Variants in LRP1B observed in about 807,000 individuals in gnomAD.
LRP1B encodes low-density lipoprotein receptor-related protein 1B.
Under a neutral mutation model 556.6 loss-of-function variants are expected in LRP1B, and 217 were observed. The ratio of observed to expected loss-of-function variants is 0.39; its 90% CI spans 0.35 to 0.44. The LOEUF is 0.44. Among genes scored for constraint, LRP1B ranks in the 20% least tolerant of loss-of-function variants. LRP1B has a pLI of 1.00. For missense variants in LRP1B, 5,053 were observed against 5,620.8 expected (o/e 0.90, Z 3.23); for synonymous variants, 2,047 against 1,865.8 (o/e 1.10, Z -2.50).
intron 6 of LRP1B, among the ~76,000 whole-genome samples, chr2:141,224,400 C>T (rs1462834027): frequency 1.3e-5 from 2 of 152,156 alleles, no homozygotes; most frequent in South Asian, 4.1e-4. Flanking sequence ...TAAATTAGTT[C>T]AACCATTGTG....
intron 3 of LRP1B, among the ~76,000 whole-genome samples, chr2:141,423,611 C>T (rs1343805947): frequency 6.6e-6 from 1 of 151,886 alleles, no homozygotes; most frequent in Non-Finnish European, 1.5e-5. Flanking sequence ...AATGAAAGAC[C>T]AGGCTTTCAT....
intron 35 of LRP1B, among the ~76,000 whole-genome samples, chr2:140,742,723 C>T (rs2104870967): frequency 6.6e-6 from 1 of 152,118 alleles, no homozygotes; most frequent in Admixed American, 6.5e-5. Flanking sequence ...CAGGTGCGAG[C>T]TCTATGAATG....
At chr2:141,688,806 A>C (rs1171815910) in intron 2 of LRP1B, among the ~76,000 whole-genome samples, 1 of 151,882 alleles carries the variant, frequency 6.6e-6, no homozygotes, top group East Asian at 1.9e-4. Flanking sequence ...GGAAAGAAAC[A>C]GGGCTATCAA....
intron 11 of LRP1B, among the ~76,000 whole-genome samples, chr2:141,027,222 A>C (rs1698241241): frequency 6.6e-6 from 1 of 152,118 alleles, no homozygotes; most frequent in Non-Finnish European, 1.5e-5. Context: ...GAAAGTCTGC[A>C]AATTTTTTCA....
At chr2:141,863,937 GC>G (rs1698328669) in intron 1 of LRP1B, among the ~76,000 whole-genome samples, 1 of 151,964 alleles carries the variant, frequency 6.6e-6, no homozygotes, top group Non-Finnish European at 1.5e-5. Context: ...ACAATATATT[GC>G]CTATGTCTAA....
chr2:141,448,917 C>T (rs1681303051), intron 3 of LRP1B, among the ~76,000 whole-genome samples: 2 of 152,208 alleles, frequency 1.3e-5, no homozygotes, highest in Admixed American at 1.3e-4. Flanking sequence ...AGCATTTAGG[C>T]CTTTTAAGCT....
intron 2 of LRP1B, among the ~76,000 whole-genome samples, chr2:141,674,270 T>G (rs183487609): frequency 2.3e-4 from 35 of 152,192 alleles, no homozygotes; most frequent in Non-Finnish European, 3.1e-4. Flanking sequence ...TGATGTTTAT[T>G]GAATTTTTCT....
At chr2:141,102,994 A>G (rs889965402) in intron 7 of LRP1B, among the ~76,000 whole-genome samples, 3 of 152,118 alleles carry the variant, frequency 2.0e-5, no homozygotes, top group Non-Finnish European at 4.4e-5. Context: ...ATCCTATAAT[A>G]AAGCAAACCA....
intron 2 of LRP1B, among the ~76,000 whole-genome samples, chr2:141,607,145 C>T (rs1476705225): frequency 4.5e-5 from 4 of 89,460 alleles, no homozygotes; most frequent in Non-Finnish European, 9.8e-5. Flanking sequence ...TTTAACTACA[C>T]ATTACTTTGA....
intron 86 of LRP1B, among the ~76,000 whole-genome samples, chr2:140,267,929 A>T (rs1244631127): frequency 7.3e-6 from 1 of 136,644 alleles, no homozygotes; most frequent in African/African-American, 2.5e-5. Flanking sequence ...GATACTTGGT[A>T]AGAGCAAAAA....
intron 57 of LRP1B, among the ~76,000 whole-genome samples, chr2:140,488,423 C>A (rs1032838374): frequency 6.6e-6 from 1 of 151,980 alleles, no homozygotes; most frequent in Non-Finnish European, 1.5e-5. Context: ...TCCCTTCAGA[C>A]TCATGGTTAT....
At chr2:141,685,217 G>C (rs1691251907) in intron 2 of LRP1B, among the ~76,000 whole-genome samples, 1 of 151,810 alleles carries the variant, frequency 6.6e-6, no homozygotes. Context: ...TTGTTTTCTA[G>C]TTTCATCAGT....
chr2:140,805,918 T>C (rs1454321149), intron 32 of LRP1B, among the ~76,000 whole-genome samples: 1 of 152,150 alleles, frequency 6.6e-6, no homozygotes, highest in Non-Finnish European at 1.5e-5. Flanking sequence ...TGAATATTTG[T>C]GTCCCTCAAA....
chr2:141,995,293 C>T (rs1702457340), intron 1 of LRP1B, among the ~76,000 whole-genome samples: 1 of 152,134 alleles, frequency 6.6e-6, no homozygotes, highest in South Asian at 2.1e-4. Context: ...CCAAATTCTA[C>T]TAGCTGCCAA....
chr2:141,599,378 G>T (rs1485733917), intron 2 of LRP1B, among the ~76,000 whole-genome samples: 1 of 151,876 alleles, frequency 6.6e-6, no homozygotes, highest in Non-Finnish European at 1.5e-5. Context: ...TTTCCTACTG[G>T]TTATCTTGAT....
chr2:141,146,863 G>A (rs909510778), intron 7 of LRP1B, among the ~76,000 whole-genome samples: 1 of 152,112 alleles, frequency 6.6e-6, no homozygotes, highest in Non-Finnish European at 1.5e-5. Context: ...GTAAAAAGAC[G>A]AGCTGTGCTG....
At chr2:141,349,150 C>A (rs1331290884) in intron 3 of LRP1B, among the ~76,000 whole-genome samples, 1 of 151,950 alleles carries the variant, frequency 6.6e-6, no homozygotes, top group East Asian at 1.9e-4. Context: ...GGATCCAGAT[C>A]CTCTTATAAT....
intron 7 of LRP1B, among the ~76,000 whole-genome samples, chr2:141,096,416 C>T (rs1283787796): frequency 1.3e-5 from 2 of 151,964 alleles, no homozygotes; most frequent in African/African-American, 2.4e-5. Context: ...GGTGAAACCC[C>T]GTCTCTACAA....
At position 141,932,327 on chromosome 2, in the gene LRP1B, A is replaced by C. The variant is rs1253691544; in HGVS notation, c.83-121926T>G. 2.0e-5 allele frequency among the ~76,000 whole-genome samples: 3 copies of C among 152,224 alleles called. No homozygotes were observed. In the East Asian group the frequency reaches 5.8e-4, roughly 29 times the overall value. ...ATTTTAGCTTGAGAAAAGAGGAATT[A>C]AAAAATGACAGAGTACACCGTTCAT... On this transcript the variant is annotated intron_variant, in intron 1 of 90. Coordinates refer to ENST00000389484, the MANE Select transcript of LRP1B (RefSeq NM_018557.3).
Sources: allele counts gnomAD v4.1 joint callset (sites outside exome capture counted in the v4.1 genomes callset), GRCh38; gene constraint gnomAD v4.1.1; transcripts MANE v1.5; gene names NCBI Gene and HGNC (gene_info 2026-07-23, HGNC 2026-07-21).